The following IFT122 variants were observed in gnomAD, a reference collection of about 807,000 sequenced individuals.
IFT122 encodes intraflagellar transport protein 122 homolog.
IFT122 carries 118 observed loss-of-function variants against 161.6 expected under a neutral mutation model. The ratio of observed to expected loss-of-function variants is 0.73; its 90% CI spans 0.63 to 0.85. The LOEUF (loss-of-function observed/expected upper bound fraction) is 0.85, where lower values mean the gene tolerates loss of function less well. Ranked by LOEUF, IFT122 falls within the 40% of genes least tolerant of loss-of-function variation. The probability of loss-of-function intolerance (pLI) is 0.00; values close to 1 mark genes in which losing one functional copy is unlikely to be tolerated. For synonymous variants in IFT122, 550 were observed against 602.4 expected (o/e 0.91, Z 1.27); for missense variants, 1,381 against 1,579.6 (o/e 0.87, Z 2.13).
intron 1 of IFT122, among the ~76,000 whole-genome samples, chr3:129,442,112 C>T (rs1045131275): frequency 2.0e-5 from 3 of 152,000 alleles, no homozygotes; most frequent in Non-Finnish European, 2.9e-5. Context: ...AAAAACAAAA[C>T]ACCGTGTGGG....
In IFT122 at chr3:129,466,948, A is replaced by C. The variant is rs919327268; in HGVS notation, c.622A>C (p.Asn208His). The change falls in exon 8 of 30, where the codon AAC (asparagine) becomes CAC (histidine). Residue 208 changes from asparagine to histidine, a missense_variant. By Grantham distance (68) the Asn-to-His change is moderately conservative (BLOSUM62 1). Transcript: ENST00000348417. The stretch of plus-strand genomic sequence containing the variant: ...TGAGGATGCCGAGGATGTCATTGTC[A>C]ACAGATATATTCAGGAAATCCCTTC... Reference protein sequence around the residue: ...ENEDAEDVIVNRYIQEIPSTL... With the variant: ...ENEDAEDVIVHRYIQEIPSTL... The C allele has an allele frequency of 6.2e-7, 1 of 1,614,208 alleles. No homozygotes were observed. The highest frequency in any genetic ancestry group is 1.1e-5 in the South Asian group (1 of 91,082).
intron 13 of IFT122, among the ~76,000 whole-genome samples, chr3:129,481,072 A>G (rs559098879): frequency 6.6e-6 from 1 of 152,054 alleles, no homozygotes; most frequent in Non-Finnish European, 1.5e-5. Context: ...TCTAAAAAAA[A>G]TTTTTTTTAA....
intron 1 of IFT122, among the ~76,000 whole-genome samples, chr3:129,445,027 A>G (rs1283118263): frequency 3.3e-5 from 5 of 152,194 alleles, no homozygotes; most frequent in Admixed American, 1.3e-4. Context: ...GCTTCAGGCC[A>G]GATTGCCTGG....
intron 15 of IFT122, among the ~76,000 whole-genome samples, chr3:129,484,981 T>G (rs2079104301): frequency 6.6e-6 from 1 of 152,166 alleles, no homozygotes; most frequent in African/African-American, 2.4e-5. Flanking sequence ...GTCCCTGGTG[T>G]TGTGCTTTTT....
At chr3:129,510,359 C>T (rs1464013532) in intron 23 of IFT122, among the ~76,000 whole-genome samples, 3 of 152,246 alleles carry the variant, frequency 2.0e-5, no homozygotes, top group African/African-American at 7.2e-5. Flanking sequence ...CTGACAGGCT[C>T]TGTGCATGCC....
intron 1 of IFT122, among the ~76,000 whole-genome samples, chr3:129,447,384 TGA>T (rs2074139941): frequency 6.6e-6 from 1 of 152,158 alleles, no homozygotes; most frequent in South Asian, 2.1e-4. Context: ...GACAATTGGC[TGA>T]GTTTGTTTAA....
chr3:129,475,506 G>A (rs1216484742), intron 9 of IFT122, among the ~76,000 whole-genome samples: 1 of 152,148 alleles, frequency 6.6e-6, no homozygotes, highest in Non-Finnish European at 1.5e-5. Context: ...ACAAAAATTA[G>A]CCAGGCGTGT....
At chr3:129,461,102 G>T in intron 4 of IFT122, 126 bp from the exon 5 acceptor site, 1 of 950,348 alleles carries the variant, frequency 1.1e-6, no homozygotes, top group Non-Finnish European at 1.7e-6. Flanking sequence ...GCTTTTTGTT[G>T]GTCACTTGCA....
chr3:129,498,384 C>T (rs193035808), intron 18 of IFT122, among the ~76,000 whole-genome samples: 2 of 152,346 alleles, frequency 1.3e-5, no homozygotes, highest in African/African-American at 4.8e-5. Flanking sequence ...TTTCCAGCTT[C>T]GTGCTGGCAT....
intron 9 of IFT122, among the ~76,000 whole-genome samples, chr3:129,471,869 G>A (rs554858796): frequency 6.6e-6 from 1 of 152,214 alleles, no homozygotes; most frequent in Admixed American, 6.5e-5. Context: ...AATAATAATA[G>A]CTAACATTTA....
intron 19 of IFT122, among the ~76,000 whole-genome samples, chr3:129,502,336 A>G (rs1197288284): frequency 6.6e-6 from 1 of 152,166 alleles, no homozygotes; most frequent in East Asian, 1.9e-4. Flanking sequence ...TATTCTTCTC[A>G]TCTGAGAGAT....
chr3:129,512,399 G>A lies in IFT122; in HGVS notation c.2974G>A (p.Gly992Ser), dbSNP rs1418390010. 1 of 1,610,198 alleles carries A rather than the reference G, an allele frequency of 6.2e-7. No individual in the cohort carries two copies. The highest frequency in any genetic ancestry group is 1.7e-4 in the Middle Eastern group (1 of 6,058). Residue 992 changes from glycine to serine, a missense_variant, in exon 24 of 30, where the codon GGC becomes AGC. Around this residue, in one of 7 missense-constraint regions of IFT122, gnomAD observed 496 missense variants for 502.5 expected, o/e 0.99. Coordinates refer to ENST00000348417, the MANE Select transcript of IFT122 (RefSeq NM_052989.3). ...LHSLPKDTPS[G>S]ISKVKILFTL... ...CAGCCTGCCCAAGGACACCCCCTCG[G>A]GCATCTCTAAAGTGTATCCTTTCTC... is the stretch of plus-strand genomic sequence containing the variant.
intron 2 of IFT122, 80 bp from the exon 3 acceptor site, chr3:129,451,834 C>G: frequency 4.9e-6 from 6 of 1,226,372 alleles, no homozygotes; most frequent in South Asian, 2.4e-5. Flanking sequence ...GTTATAAAAA[C>G]AAAAATAGCA....
chr3:129,493,677 C>T (rs1287309039), intron 17 of IFT122, among the ~76,000 whole-genome samples: 7 of 152,190 alleles, frequency 4.6e-5, no homozygotes, highest in Admixed American at 2.6e-4. Context: ...TACCTACCCG[C>T]GTGGTAAAGG....
At chr3:129,520,141 G>A in intron 29 of IFT122, 35 bp from the exon 30 acceptor site, 2 of 1,558,012 alleles carry the variant, frequency 1.3e-6, no homozygotes, top group Non-Finnish European at 8.8e-7. Flanking sequence ...TGAGCACTAG[G>A]GCTTCAGCCT....
intron 15 of IFT122, 30 bp downstream of exon 15, chr3:129,483,712 A>G: frequency 6.4e-7 from 1 of 1,558,254 alleles, no homozygotes; most frequent in Non-Finnish European, 8.7e-7. Context: ...CACTCTTAGC[A>G]CTGGCAAGGC....
chr3:129,461,175 A>G, intron 4 of IFT122, 53 bp from the exon 5 acceptor site: 1 of 1,397,494 alleles, frequency 7.2e-7, no homozygotes. Flanking sequence ...AGTTGTAGCC[A>G]CTGAAATCTT....
chr3:129,456,932 A>G (rs1248902593), intron 3 of IFT122, among the ~76,000 whole-genome samples: 1 of 152,218 alleles, frequency 6.6e-6, no homozygotes, highest in Non-Finnish European at 1.5e-5. Context: ...AAGGTACTTT[A>G]CAGATACTAT....
intron 9 of IFT122, among the ~76,000 whole-genome samples, chr3:129,474,570 G>A (rs2077702824): frequency 6.6e-6 from 1 of 152,150 alleles, no homozygotes; most frequent in Non-Finnish European, 1.5e-5. Flanking sequence ...TGGAGGAGAT[G>A]ACACCTGGCA....
Sources: allele counts gnomAD v4.1 joint callset (sites outside exome capture counted in the v4.1 genomes callset), GRCh38; gene constraint gnomAD v4.1.1; regional missense constraint gnomAD v4.1.1; transcripts MANE v1.5; gene names NCBI Gene and HGNC (gene_info 2026-07-23, HGNC 2026-07-21).